The following PDE1A variants were observed in gnomAD, a reference collection of about 807,000 sequenced individuals.
PDE1A encodes the protein dual specificity calcium/calmodulin-dependent 3',5'-cyclic nucleotide phosphodiesterase 1A.
PDE1A carries 35 observed loss-of-function variants against 61.7 expected under a neutral mutation model. That is an observed-to-expected ratio of 0.57 (90% CI 0.43 to 0.75). The LOEUF (loss-of-function observed/expected upper bound fraction) is 0.75. Among genes scored for constraint, PDE1A ranks in the 30% least tolerant of loss-of-function variants. The pLI, the probability that PDE1A is intolerant of heterozygous loss-of-function variation, is 0.00. For missense variants in PDE1A, 597 were observed against 630.6 expected (o/e 0.95, Z 0.57); for synonymous variants, 232 against 213.2 (o/e 1.09, Z -0.77).
the PDE1A span, among the ~76,000 whole-genome samples, chr2:182,565,852 C>G: frequency 6.6e-6 from 1 of 152,208 alleles, no homozygotes; most frequent in East Asian, 1.9e-4. Context: ...GGTTAAACAA[C>G]TCAGCTCCTT....
rs191407216 is a variant in PDE1A, at chr2:182,421,819, C to T, written c.53+4759G>A. 8.7e-4 allele frequency among the ~76,000 whole-genome samples: 132 copies of T among 152,240 alleles called. 2 individuals carry two copies. The highest frequency in any genetic ancestry group is 8.6e-3 in the Admixed American group (131 of 15,274). On this transcript the variant is annotated intron_variant, in intron 1 of 13. Coordinates refer to ENST00000351439, the Ensembl canonical transcript of PDE1A. ...TTCCTTTGATCTTGGTAATACATTT[C>T]AAAAATCAGTAAGTTACTAACAGCA...
At chr2:182,397,155 C>T (rs532856755) in intron 1 of PDE1A, among the ~76,000 whole-genome samples, 107 of 152,088 alleles carry the variant, frequency 7.0e-4, no homozygotes, top group Non-Finnish European at 1.3e-3. Flanking sequence ...TTCAACGATA[C>T]ATACAGTATA....
At chr2:182,631,638 G>A in the PDE1A span, among the ~76,000 whole-genome samples, 10 of 152,304 alleles carry the variant, frequency 6.6e-5, no homozygotes, top group Non-Finnish European at 1.0e-4. Context: ...CAGTTGCAAA[G>A]CACTTTCATA....
At chr2:182,170,509 T>A (rs1376465065) in intron 13 of PDE1A, among the ~76,000 whole-genome samples, 1 of 152,014 alleles carries the variant, frequency 6.6e-6, no homozygotes, top group East Asian at 1.9e-4. Flanking sequence ...GGAAATTCTT[T>A]CCTCTTTCTG....
intron 1 of PDE1A, among the ~76,000 whole-genome samples, chr2:182,372,312 G>A (rs1007388057): frequency 3.9e-5 from 6 of 152,026 alleles, no homozygotes; most frequent in African/African-American, 1.5e-4. Context: ...GTAAAAATGT[G>A]GAATTTATCT....
chr2:182,445,493 G>A (rs762656745), intron 2 of PDE1A, among the ~76,000 whole-genome samples: 3 of 152,054 alleles, frequency 2.0e-5, no homozygotes, highest in Non-Finnish European at 4.4e-5. Flanking sequence ...CAGGAGAGTT[G>A]AAACTGATAA....
chr2:182,434,129 A>G (rs565395508), intron 2 of PDE1A, among the ~76,000 whole-genome samples: 2 of 152,260 alleles, frequency 1.3e-5, no homozygotes, highest in South Asian at 4.1e-4. Flanking sequence ...AGATCAGAAC[A>G]TGTAACTTAC....
the PDE1A span, among the ~76,000 whole-genome samples, chr2:182,536,691 C>T: frequency 1.3e-5 from 2 of 152,116 alleles, no homozygotes; most frequent in African/African-American, 2.4e-5. Context: ...ATGTCACATT[C>T]CCCTCCTCCC....
chr2:182,141,689 C>T (rs926125755), exon 15 of PDE1A: 2 of 152,140 alleles, frequency 1.3e-5, no homozygotes, highest in Non-Finnish European at 2.9e-5. Flanking sequence ...TAAAAGCTTC[C>T]AATTGTACCC....
upstream of PDE1A, among the ~76,000 whole-genome samples, chr2:182,429,476 GA>G (rs1703814097): frequency 6.6e-6 from 1 of 152,038 alleles, no homozygotes; most frequent in Non-Finnish European, 1.5e-5. Flanking sequence ...AGGGGGGTCA[GA>G]AAGGGTGTTT....
chr2:182,323,626 C>T (rs541083124), intron 1 of PDE1A, among the ~76,000 whole-genome samples: 3 of 152,242 alleles, frequency 2.0e-5, no homozygotes, highest in African/African-American at 4.8e-5. Context: ...GTCGGAGGAG[C>T]GCTGAAAAAA....
chr2:182,709,067 T>C, the PDE1A span, among the ~76,000 whole-genome samples: 3 of 152,136 alleles, frequency 2.0e-5, no homozygotes, highest in African/African-American at 7.2e-5. Flanking sequence ...TCAGTCTTCC[T>C]GAGCCTCAGT....
the PDE1A span, among the ~76,000 whole-genome samples, chr2:182,538,474 T>C: frequency 1.3e-5 from 2 of 152,202 alleles, no homozygotes; most frequent in Non-Finnish European, 2.9e-5. Flanking sequence ...ACCATTAATT[T>C]AGAGAATTTT....
intron 1 of PDE1A, among the ~76,000 whole-genome samples, chr2:182,387,819 TA>T (rs1701204097): frequency 6.7e-6 from 1 of 149,754 alleles, no homozygotes; most frequent in Non-Finnish European, 1.5e-5. Context: ...TAGAAAACAA[TA>T]AACAAAATGG....
rs578140606 is a variant in PDE1A at position 182,208,996 on chromosome 2, T to A, written c.777-2931A>T. Among the ~76,000 whole-genome samples the A allele has an allele frequency of 2.6e-5, 4 of 152,208 alleles. No homozygotes were observed. In the South Asian group the frequency reaches 8.3e-4, roughly 32 times the overall value. On this transcript the variant is annotated intron_variant, in intron 7 of 13. Transcript: ENST00000351439. The stretch of plus-strand genomic sequence containing the variant: ...ACTTTTGAGTTAATGCTGGAGTGAG[T>A]TAAGACTTTTGGGGACTGTTGGGAA...
At chr2:182,611,019 G>A in the PDE1A span, among the ~76,000 whole-genome samples, 1 of 152,318 alleles carries the variant, frequency 6.6e-6, no homozygotes, top group Non-Finnish European at 1.5e-5. Flanking sequence ...TTTGTCGTCT[G>A]AAAATTTAAA....
intron 1 of PDE1A, among the ~76,000 whole-genome samples, chr2:182,293,594 G>A (rs765542665): frequency 2.0e-5 from 3 of 152,026 alleles, no homozygotes; most frequent in Non-Finnish European, 2.9e-5. Context: ...CTCATTCGTG[G>A]GGAATGTGTT....
chr2:182,626,884 C>CATATATAT, the PDE1A span, among the ~76,000 whole-genome samples: 1 of 18,502 alleles, frequency 5.4e-5, no homozygotes. Context: ...TATATATATA[C>CATATATAT]ACATATATAT....
At chr2:182,380,554 A>G (rs75813111) in intron 1 of PDE1A, among the ~76,000 whole-genome samples, 4,100 of 152,282 alleles carry the variant, frequency 0.027, 167 homozygotes, top group African/African-American at 0.092. Flanking sequence ...TATAACAAAT[A>G]AAAACAATTT....
Sources: allele counts gnomAD v4.1 joint callset (sites outside exome capture counted in the v4.1 genomes callset), GRCh38; gene constraint gnomAD v4.1.1; transcripts MANE v1.5; gene names NCBI Gene and HGNC (gene_info 2026-07-23, HGNC 2026-07-21).